Variants in MPND observed in about 807,000 individuals in gnomAD.
MPND encodes MPN domain containing, also known as MPN domain-containing protein.
Under a neutral mutation model 59.2 loss-of-function variants are expected in MPND, and 56 were observed. That is an observed-to-expected ratio of 0.95 (90% CI 0.76 to 1.18). The LOEUF (loss-of-function observed/expected upper bound fraction) is 1.18, where lower values mean the gene tolerates loss of function less well. MPND is among the 50% of genes most tolerant of loss of function. The pLI, the probability that MPND is intolerant of heterozygous loss-of-function variation, is 0.00. For missense variants in MPND, 671 were observed against 676.0 expected (o/e 0.99, Z 0.08); for synonymous variants, 323 against 291.9 (o/e 1.11, Z -1.09).
intron 2 of MPND, 118 bp downstream of exon 2, chr19:4,344,112 G>A (rs1366312061): frequency 6.7e-6 from 5 of 750,720 alleles, no homozygotes; most frequent in Admixed American, 9.2e-5. Context: ...GAGGCCCGGA[G>A]CTCCCTTGCT....
intron 11 of MPND, among the ~76,000 whole-genome samples, chr19:4,358,950 C>T (rs1972510163): frequency 6.6e-6 from 1 of 152,172 alleles, no homozygotes; most frequent in Admixed American, 6.5e-5. Context: ...GTGGCAGCCA[C>T]TTGGGCAACG....
At chr19:4,357,232 G>T in intron 8 of MPND, 21 bp from the exon 9 acceptor site, 1 of 1,566,114 alleles carries the variant, frequency 6.4e-7, no homozygotes. Context: ...TGTGCCCGCT[G>T]AGCTGCGCCT....
intron 3 of MPND, 58 bp from the exon 4 acceptor site, chr19:4,352,836 GGGA>G: frequency 7.9e-7 from 1 of 1,273,038 alleles, no homozygotes; most frequent in Non-Finnish European, 9.9e-7. Flanking sequence ...GGATTTAGCA[GGGA>G]GCGGGGGGGC....
chr19:4,359,981 C>T lies in MPND; in HGVS notation c.1485C>T (p.Gly495=), dbSNP rs370701936. 45 of 1,566,792 alleles carry T rather than the reference C, an allele frequency of 2.9e-5. No homozygotes were observed. In the East Asian group the frequency reaches 3.1e-4, roughly 11 times the overall value. ...SLCHVLEQVC[G]VLKQGS The stretch of plus-strand genomic sequence containing the variant: ...GTCACGTCCTGGAACAGGTGTGCGG[C>T]GTCCTCAAGCAGGGGAGCTGAGCCT... The change falls in exon 13 of 13, where the codon GGC becomes GGT. Residue 495 remains glycine, a synonymous_variant. Coordinates refer to ENST00000599840, the MANE Select transcript of MPND (RefSeq NM_001300862.2).
chr19:4,343,951 C>G lies in MPND; in HGVS notation c.251C>G (p.Ala84Gly). 1 of 1,384,042 alleles carries G rather than the reference C, an allele frequency of 7.2e-7. No homozygotes were observed. The highest frequency in any genetic ancestry group is 9.4e-7 in the Non-Finnish European group (1 of 1,067,670). The allele number at this position is 1,384,042 out of a possible 1,614,324, so 85.7% of individuals were successfully genotyped here. ...AVTLRVLLKD[A>G]LLEPGAGVLS... ...ACACTGCGGGTGCTCCTCAAAGACGCGCTGCTGGAGCCTGGCGCCGGGGTG... is the reference window on the plus strand; with the variant it reads ...ACACTGCGGGTGCTCCTCAAAGACGGGCTGCTGGAGCCTGGCGCCGGGGTG... The change falls in exon 2 of 13, where the codon GCG (alanine) becomes GGG (glycine). Residue 84 changes from alanine (A) to glycine (G), a missense_variant. Coordinates refer to ENST00000599840, the MANE Select transcript of MPND (RefSeq NM_001300862.2).
rs1050608126 is a variant in MPND at position 4,358,167 on chromosome 19, G to A, written c.1321G>A (p.Glu441Lys). The change falls in exon 11 of 13, where the codon GAG becomes AAG. Residue 441 changes from glutamate to lysine, a missense_variant. Glu to Lys is a moderately conservative substitution (Grantham distance 56). Transcript: ENST00000599840. ...DSFLTNDILH[E>K]MMLLVEFYKG... ...CTTCCTGACCAATGACATCCTTCACGAGATGGTGAGCTCGCTGCGGGGCGG... is the reference window on the plus strand; with the variant it reads ...CTTCCTGACCAATGACATCCTTCACAAGATGGTGAGCTCGCTGCGGGGCGG... 1.3e-6 allele frequency: 2 copies of A among 1,551,198 alleles called. No individual in the cohort carries two copies. Among genetic ancestry groups the A allele is most frequent in the Non-Finnish European group, 1.7e-6 (2 of 1,146,896 alleles).
chr19:4,349,377 C>G (rs545911657), intron 3 of MPND, among the ~76,000 whole-genome samples: 33 of 152,266 alleles, frequency 2.2e-4, no homozygotes, highest in African/African-American at 7.0e-4. Context: ...CAGCCAGTCA[C>G]GATTCCTTTG....
intron 12 of MPND, among the ~76,000 whole-genome samples, 190 bp from the exon 13 acceptor site, chr19:4,359,726 C>T (rs1008011715): frequency 1.3e-5 from 2 of 152,136 alleles, no homozygotes; most frequent in Non-Finnish European, 2.9e-5. Context: ...GCACCGCTGC[C>T]CCTGGGAGCC....
intron 11 of MPND, among the ~76,000 whole-genome samples, chr19:4,358,632 G>A (rs903424560): frequency 2.6e-5 from 4 of 152,280 alleles, no homozygotes; most frequent in East Asian, 1.9e-4. Flanking sequence ...TACCAAGATA[G>A]AAAAGCTAGC....
intron 11 of MPND, 111 bp downstream of exon 11, chr19:4,358,283 T>C (rs373057898): frequency 1.0e-5 from 10 of 956,780 alleles, no homozygotes; most frequent in South Asian, 8.9e-5. Flanking sequence ...TGGTGGCGCC[T>C]TGGGGGCCTG....
chr19:4,351,579 G>A (rs1030666927), intron 3 of MPND, among the ~76,000 whole-genome samples: 1 of 151,886 alleles, frequency 6.6e-6, no homozygotes, highest in Non-Finnish European at 1.5e-5. Flanking sequence ...AATAGACTTG[G>A]CGGCCGGGCA....
At chr19:4,346,243 G>A (rs117083085) in intron 3 of MPND, among the ~76,000 whole-genome samples, 10 of 152,038 alleles carry the variant, frequency 6.6e-5, no homozygotes, top group Non-Finnish European at 4.4e-5. Flanking sequence ...AATGGCATAC[G>A]CAAAGTCATG....
rs188571866 is a variant in MPND, at chr19:4,353,065, G to C, written c.664+36G>C. The C allele has an allele frequency of 7.6e-6, 10 of 1,318,522 alleles. No homozygotes were observed. The African/African-American group carries it at 1.5e-4, about 20-fold the overall frequency. The allele number at this position is 1,318,522 out of a possible 1,614,324, so 81.7% of individuals were successfully genotyped here. A position where few individuals can be genotyped will look rare whatever the true frequency, so the allele number is the denominator to read the frequency against. On this transcript the variant is annotated intron_variant, in intron 4 of 12. Coordinates refer to ENST00000599840, the MANE Select transcript of MPND (RefSeq NM_001300862.2). Reference sequence around the variant, plus strand: ...TGGGGAGGGGAGGCAGGACAGGGGCGGATACAGCTCGGGTTGGGGAGGAGA... The same window carrying C: ...TGGGGAGGGGAGGCAGGACAGGGGCCGATACAGCTCGGGTTGGGGAGGAGA...
In MPND at chr19:4,354,494, C is replaced by T. The variant is rs75746739; in HGVS notation, c.846+74C>T. 12,445 of 1,195,624 alleles carry T rather than the reference C, an allele frequency of 0.01. 917 individuals carry two copies. In the African/African-American group the frequency reaches 0.17, roughly 16 times the overall value. 74.1% of individuals were successfully genotyped at this position (1,195,624 alleles called of 1,614,324 possible). Reference sequence around the variant, plus strand: ...GTGGGCAGCGGGCGGGGCTCCCCTGCGTATCAGCTCCATGAGAGCTGGGGC... The same window carrying T: ...GTGGGCAGCGGGCGGGGCTCCCCTGTGTATCAGCTCCATGAGAGCTGGGGC... On this transcript the variant is annotated intron_variant, in intron 6 of 12. Coordinates refer to ENST00000599840, the MANE Select transcript of MPND (RefSeq NM_001300862.2).
At position 4,355,237 on chromosome 19, in the gene MPND, G is replaced by A. The variant is rs768626204; in HGVS notation, c.996+64G>A. On this transcript the variant is annotated intron_variant, in intron 8 of 12. Transcript: ENST00000599840. ...TGGGAAGGGACATAGCTGTCCTGGC[G>A]ACTGCCCAGTGGCTGGCAGTGTCAT... 154 of 1,553,886 alleles carry A rather than the reference G, an allele frequency of 9.9e-5. No individual in the cohort carries two copies. The Admixed American group carries it at 1.9e-3, about 20-fold the overall frequency.
Position 4,343,784 on chromosome 19 carries a change from G to A in MPND, c.84G>A (p.Glu28=). ...PEEDEDEAEA[E]DPERPNAGAG... is the part of the protein sequence containing the mutation. ...AGGACGAGGACGAAGCGGAGGCCGAGGACCCTGAGCGGCCGAATGCGGGAG... is the reference window on the plus strand; with the variant it reads ...AGGACGAGGACGAAGCGGAGGCCGAAGACCCTGAGCGGCCGAATGCGGGAG... Residue 28 remains glutamate, a synonymous_variant, in exon 2 of 13, where the codon GAG becomes GAA. Coordinates refer to ENST00000599840, the MANE Select transcript of MPND (RefSeq NM_001300862.2). 1 of 1,209,506 alleles carries A rather than the reference G, an allele frequency of 8.3e-7. No individual in the cohort carries two copies. 74.9% of individuals were successfully genotyped at this position (1,209,506 alleles called of 1,614,324 possible).
chr19:4,357,990 C>T (rs1972482275), intron 10 of MPND, 93 bp from the exon 11 acceptor site: 1 of 1,041,450 alleles, frequency 9.6e-7, no homozygotes, highest in East Asian at 2.6e-5. Context: ...GGTGTGCACT[C>T]TCCCGTTCCC....
At chr19:4,358,944 C>A (rs570655706) in intron 11 of MPND, among the ~76,000 whole-genome samples, 6 of 152,184 alleles carry the variant, frequency 3.9e-5, no homozygotes, top group Non-Finnish European at 8.8e-5. Flanking sequence ...CCTCTCGTGG[C>A]AGCCACTTGG....
chr19:4,345,204 G>A (rs911414610), intron 2 of MPND, among the ~76,000 whole-genome samples: 2 of 150,576 alleles, frequency 1.3e-5, no homozygotes, highest in African/African-American at 2.4e-5. Flanking sequence ...CCGCCACCAC[G>A]CCTGGCTAAT....
Sources: allele counts gnomAD v4.1 joint callset (sites outside exome capture counted in the v4.1 genomes callset), GRCh38; gene constraint gnomAD v4.1.1; transcripts MANE v1.5; gene names NCBI Gene and HGNC (gene_info 2026-07-23, HGNC 2026-07-21).